ZNF704: variants seen among roughly 807,000 people sequenced by gnomAD.
The protein encoded by ZNF704 is glucocorticoid induced gene 1.
ZNF704 carries 10 observed loss-of-function variants against 44.7 expected under a neutral mutation model. The ratio of observed to expected loss-of-function variants is 0.22; its 90% CI spans 0.14 to 0.38. The LOEUF (loss-of-function observed/expected upper bound fraction) is 0.38, where lower values mean the gene tolerates loss of function less well. Ranked by LOEUF, ZNF704 falls within the 10% of genes least tolerant of loss-of-function variation. ZNF704 has a pLI of 1.00. For missense variants in ZNF704, 390 were observed against 545.5 expected, an observed-to-expected ratio of 0.71 and a Z score of 2.84; for synonymous variants, 211 against 207.6, an observed-to-expected ratio of 1.02 and a Z score of -0.14.
intron 4 of ZNF704, 43 bp downstream of exon 4, chr8:80,687,183 T>C: frequency 6.4e-7 from 1 of 1,568,960 alleles, no homozygotes; most frequent in Non-Finnish European, 8.7e-7. Context: ...AGAAAGCACC[T>C]TCAGGAAACT....
intron 2 of ZNF704, among the ~76,000 whole-genome samples, chr8:80,760,797 G>T (rs1807117581): frequency 6.6e-6 from 1 of 152,056 alleles, no homozygotes; most frequent in Non-Finnish European, 1.5e-5. Flanking sequence ...CATCTGCTTG[G>T]TTTCTGCAGA....
At chr8:80,743,410 C>G (rs553829973) in intron 2 of ZNF704, among the ~76,000 whole-genome samples, 18 of 151,752 alleles carry the variant, frequency 1.2e-4, no homozygotes, top group Non-Finnish European at 2.2e-4. Flanking sequence ...CCACATGTAA[C>G]GATAAATAAA....
At chr8:80,872,308 C>T (rs1026095525) in intron 1 of ZNF704, among the ~76,000 whole-genome samples, 3 of 152,186 alleles carry the variant, frequency 2.0e-5, no homozygotes, top group Non-Finnish European at 4.4e-5. Context: ...ATTTCTCACT[C>T]CCAGAGCTGG....
intron 2 of ZNF704, among the ~76,000 whole-genome samples, chr8:80,734,344 T>C (rs1348723101): frequency 6.6e-6 from 1 of 152,238 alleles, no homozygotes; most frequent in Non-Finnish European, 1.5e-5. Context: ...TGTTTAATAT[T>C]ACCATTATAT....
At chr8:80,645,552 G>C (rs1200230542) in intron 7 of ZNF704, among the ~76,000 whole-genome samples, 1 of 152,002 alleles carries the variant, frequency 6.6e-6, no homozygotes, top group Non-Finnish European at 1.5e-5. Flanking sequence ...TGAATAGCTT[G>C]GACCATTCCC....
At chr8:80,681,190 G>GT (rs1818447493) in intron 4 of ZNF704, among the ~76,000 whole-genome samples, 1 of 152,096 alleles carries the variant, frequency 6.6e-6, no homozygotes, top group Non-Finnish European at 1.5e-5. Flanking sequence ...TTGTCTGCAA[G>GT]TTTTTTTGTG....
Position 80,693,212 on chromosome 8 carries a change from T to C in ZNF704, c.222-105A>G, listed in dbSNP as rs73693822. 10,461 of 899,222 alleles carry C rather than the reference T, an allele frequency of 0.012. 732 individuals carry two copies. The African/African-American group carries it at 0.15, about 13-fold the overall frequency. 55.7% of individuals were successfully genotyped at this position (899,222 alleles called of 1,614,324 possible). A position where few individuals can be genotyped will look rare whatever the true frequency, so the allele number is the denominator to read the frequency against. ...CATTTACTCCATTAACTTATCCCCATGAACAACCGATGTTCTGTTAGCTTT... is the reference window on the plus strand; with the variant it reads ...CATTTACTCCATTAACTTATCCCCACGAACAACCGATGTTCTGTTAGCTTT... On this transcript the variant is annotated intron_variant, in intron 2 of 8. Coordinates refer to ENST00000327835, the MANE Select transcript of ZNF704 (RefSeq NM_001033723.3).
At chr8:80,645,550 T>C (rs1035943024) in intron 7 of ZNF704, among the ~76,000 whole-genome samples, 3 of 152,240 alleles carry the variant, frequency 2.0e-5, no homozygotes, top group Admixed American at 6.5e-5. Context: ...CATGAATAGC[T>C]TGGACCATTC....
chr8:80,819,823 G>A (rs1223360835), intron 2 of ZNF704, among the ~76,000 whole-genome samples: 3 of 152,006 alleles, frequency 2.0e-5, no homozygotes, highest in African/African-American at 7.2e-5. Context: ...AAAACTAAGA[G>A]GCCTATAATT....
rs955028390 is a variant in ZNF704 at position 80,630,979 on chromosome 8, T to C, written c.*10387A>G. 2 of 152,120 alleles carry C rather than the reference T, an allele frequency of 1.3e-5. No individual in the cohort carries two copies. Among genetic ancestry groups the C allele is most frequent in the African/African-American group, 4.8e-5 (2 of 41,424 alleles). 9.4% of individuals were successfully genotyped at this position (152,120 alleles called of 1,614,324 possible). A position where few individuals can be genotyped will look rare whatever the true frequency, so the allele number is the denominator to read the frequency against. On this transcript the variant is annotated 3_prime_UTR_variant, in exon 9 of 9. Transcript: ENST00000327835. Reference sequence around the variant, plus strand: ...TCATGGGACTAGTATGTTTTGGAGATTTTTTAGTTCTTCCCTAAAAAGCTA... The same window carrying C: ...TCATGGGACTAGTATGTTTTGGAGACTTTTTAGTTCTTCCCTAAAAAGCTA...
chr8:80,848,256 G>A (rs928828339), intron 1 of ZNF704, among the ~76,000 whole-genome samples: 7 of 152,190 alleles, frequency 4.6e-5, no homozygotes, highest in Non-Finnish European at 1.0e-4. Context: ...GCAAGGAGAG[G>A]CTGTGGCTAT....
chr8:80,770,243 T>C (rs796587983), intron 2 of ZNF704, among the ~76,000 whole-genome samples: 5 of 152,304 alleles, frequency 3.3e-5, no homozygotes, highest in African/African-American at 1.2e-4. Flanking sequence ...ACCAGGATAG[T>C]GACATTAATA....
chr8:80,845,789 T>C (rs1808758823), intron 1 of ZNF704, among the ~76,000 whole-genome samples: 1 of 151,828 alleles, frequency 6.6e-6, no homozygotes, highest in Non-Finnish European at 1.5e-5. Context: ...GATGCAAGAG[T>C]CCCTGTATTA....
intron 2 of ZNF704, among the ~76,000 whole-genome samples, chr8:80,703,375 T>G (rs1585966934): frequency 6.6e-6 from 1 of 152,136 alleles, no homozygotes; most frequent in Non-Finnish European, 1.5e-5. Flanking sequence ...GTGCTGTTGT[T>G]AGACTGCCTG....
chr8:80,825,184 C>T (rs532134470), intron 1 of ZNF704, among the ~76,000 whole-genome samples: 63 of 152,164 alleles, frequency 4.1e-4, no homozygotes, highest in African/African-American at 1.5e-3. Flanking sequence ...AGACCCATCT[C>T]ACGTGCAGAG....
chr8:80,764,672 G>A (rs1807197240), intron 2 of ZNF704, among the ~76,000 whole-genome samples: 1 of 152,154 alleles, frequency 6.6e-6, no homozygotes, highest in Non-Finnish European at 1.5e-5. Context: ...CTATGTATAT[G>A]CTGTCCAACT....
chr8:80,799,189 T>C (rs1026343299), intron 2 of ZNF704, among the ~76,000 whole-genome samples: 4 of 152,182 alleles, frequency 2.6e-5, no homozygotes, highest in African/African-American at 4.8e-5. Context: ...ATTCAAACCA[T>C]AGGAACTGGA....
chr8:80,670,882 G>A lies in ZNF704; in HGVS notation c.559-279C>T, dbSNP rs575520498. 3.3e-5 allele frequency among the ~76,000 whole-genome samples: 5 copies of A among 152,270 alleles called. No homozygotes were observed. The South Asian group carries it at 1.0e-3, about 32-fold the overall frequency. The stretch of plus-strand genomic sequence containing the variant: ...GGGCCATTCTGGCTGTCTAAACAGT[G>A]GATAACATTCACTGAGCACTTACTA... On this transcript the variant is annotated intron_variant, in intron 4 of 8. Transcript: ENST00000327835.
chr8:80,799,972 T>C (rs1463576314), intron 2 of ZNF704, among the ~76,000 whole-genome samples: 5 of 152,000 alleles, frequency 3.3e-5, no homozygotes, highest in South Asian at 2.1e-4. Flanking sequence ...GAGAGGAACA[T>C]AACCAGTCTG....
Sources: allele counts gnomAD v4.1 joint callset (sites outside exome capture counted in the v4.1 genomes callset), GRCh38; gene constraint gnomAD v4.1.1; transcripts MANE v1.5; gene names NCBI Gene and HGNC (gene_info 2026-07-23, HGNC 2026-07-21).